The following NBEA variants were observed in gnomAD, a reference collection of about 807,000 sequenced individuals.
The protein encoded by NBEA is lysosomal-trafficking regulator 2.
Under a neutral mutation model 343.4 loss-of-function variants are expected in NBEA, and 44 were observed. The observed-to-expected ratio is 0.13, with a 90% CI of 0.10 to 0.16. NBEA has a LOEUF of 0.16. Among genes scored for constraint, NBEA ranks in the 10% least tolerant of loss-of-function variants. The pLI, the probability that NBEA is intolerant of heterozygous loss-of-function variation, is 1.00. For missense variants in NBEA, 2,555 were observed against 3,631.3 expected (o/e 0.70, Z 7.62); for synonymous variants, 1,175 against 1,238.7 (o/e 0.95, Z 1.08).
At chr13:35,432,217 C>CT (rs943757117) in intron 38 of NBEA, 52 bp from the exon 39 acceptor site, 1 of 1,425,976 alleles carries the variant, frequency 7.0e-7, no homozygotes, top group African/African-American at 1.4e-5. Context: ...AAATGTATTT[C>CT]CAGCTATGCA....
intron 38 of NBEA, among the ~76,000 whole-genome samples, chr13:35,416,179 A>C (rs1363833439): frequency 1.3e-5 from 2 of 152,148 alleles, no homozygotes; most frequent in Non-Finnish European, 2.9e-5. Flanking sequence ...GTCATCTGCA[A>C]ACAGGGACAA....
chr13:35,538,233 T>G (rs1439660490), intron 41 of NBEA, among the ~76,000 whole-genome samples: 1 of 152,196 alleles, frequency 6.6e-6, no homozygotes, highest in Non-Finnish European at 1.5e-5. Flanking sequence ...AAAATGAAAT[T>G]TGTTTATGTT....
chr13:34,979,259 G>T (rs2060277278), intron 1 of NBEA, among the ~76,000 whole-genome samples: 1 of 152,108 alleles, frequency 6.6e-6, no homozygotes, highest in African/African-American at 2.4e-5. Flanking sequence ...GCTGGGCACA[G>T]TGGTTCACAC....
intron 38 of NBEA, among the ~76,000 whole-genome samples, chr13:35,364,221 C>T (rs955314948): frequency 8.6e-5 from 13 of 151,882 alleles, no homozygotes; most frequent in African/African-American, 2.9e-4. Context: ...TTCTTTCCTT[C>T]AGCCCTTTCT....
intron 50 of NBEA, 80 bp downstream of exon 50, chr13:35,646,011 A>G (rs1209254602): frequency 2.2e-6 from 2 of 925,438 alleles, no homozygotes; most frequent in Non-Finnish European, 3.3e-6. Flanking sequence ...GATTTTCCAC[A>G]TTTAACCCCA....
rs1186551019 is a variant in NBEA, at chr13:35,054,643, CTTTTTTTTTT to C, written c.973-1358_973-1349del. 4.3e-5 allele frequency among the ~76,000 whole-genome samples: 5 copies of C among 117,462 alleles called. No homozygotes were observed. In the South Asian group the frequency reaches 1.4e-3, roughly 33 times the overall value. The allele number at this position is 117,462 out of a possible 152,430, so 77.1% of individuals were successfully genotyped here. Reference sequence around the variant, plus strand: ...TTTTTTTCTTTTTCTGTTTTCTTTTCTTTTTTTTTTTTTTTTTTGAGACAAAGTCTTGCCC... The same window carrying C: ...TTTTTTTCTTTTTCTGTTTTCTTTTCTTTTTTTTGAGACAAAGTCTTGCCC... On this transcript the variant is annotated intron_variant, in intron 6 of 58. Coordinates refer to ENST00000379939, the MANE Select transcript of NBEA (RefSeq NM_001385012.1).
At chr13:35,061,783 C>G (rs1246702473) in intron 8 of NBEA, among the ~76,000 whole-genome samples, 1 of 151,664 alleles carries the variant, frequency 6.6e-6, no homozygotes, top group Admixed American at 6.6e-5. Flanking sequence ...CTGATCTTCT[C>G]ACAAATAACC....
chr13:35,361,248 G>A (rs904910425), intron 38 of NBEA, among the ~76,000 whole-genome samples: 12 of 151,862 alleles, frequency 7.9e-5, no homozygotes, highest in Non-Finnish European at 1.5e-4. Context: ...AGAAATGAAG[G>A]CAAAATTAAA....
chr13:35,288,549 A>G (rs1566571032), intron 34 of NBEA, among the ~76,000 whole-genome samples: 1 of 151,944 alleles, frequency 6.6e-6, no homozygotes, highest in Non-Finnish European at 1.5e-5. Flanking sequence ...CAAAGCATTA[A>G]TGAAGCATTT....
At chr13:35,560,893 G>T (rs1178901881) in intron 44 of NBEA, among the ~76,000 whole-genome samples, 1 of 152,108 alleles carries the variant, frequency 6.6e-6, no homozygotes, top group African/African-American at 2.4e-5. Context: ...GCAGTTCTCA[G>T]ACTTCAGTGT....
At chr13:34,979,133 T>G (rs2060272991) in intron 1 of NBEA, among the ~76,000 whole-genome samples, 1 of 152,190 alleles carries the variant, frequency 6.6e-6, no homozygotes. Flanking sequence ...TTTTAGACAT[T>G]CTGATGGCTG....
chr13:35,202,420 C>T (rs182086655), intron 31 of NBEA, among the ~76,000 whole-genome samples: 2 of 152,238 alleles, frequency 1.3e-5, no homozygotes, highest in African/African-American at 2.4e-5. Context: ...ACAGAAAGAA[C>T]GGGATTCTTA....
At chr13:35,156,937 A>G (rs118045268) in intron 20 of NBEA, 141 bp from the exon 21 acceptor site, 9,475 of 514,124 alleles carry the variant, frequency 0.018, 131 homozygotes, top group Non-Finnish European at 0.023. Context: ...AGTATAGAAT[A>G]TATAACGTGC....
chr13:35,234,405 G>C (rs2075126556), intron 34 of NBEA, among the ~76,000 whole-genome samples: 1 of 152,152 alleles, frequency 6.6e-6, no homozygotes, highest in Non-Finnish European at 1.5e-5. Flanking sequence ...TTCTAGATGT[G>C]TATGATTGAC....
intron 58 of NBEA, among the ~76,000 whole-genome samples, chr13:35,670,271 A>G (rs1566488602): frequency 6.6e-6 from 1 of 152,150 alleles, no homozygotes; most frequent in Admixed American, 6.5e-5. Flanking sequence ...CTGATCAGTT[A>G]GGAGGGAGAG....
At chr13:35,568,208 G>A (rs575359322) in intron 45 of NBEA, among the ~76,000 whole-genome samples, 200 of 152,042 alleles carry the variant, frequency 1.3e-3, no homozygotes, top group Non-Finnish European at 2.0e-3. Flanking sequence ...GTTCTTATGC[G>A]TCATTCAGTA....
intron 41 of NBEA, among the ~76,000 whole-genome samples, chr13:35,531,620 T>C (rs1010921129): frequency 1.3e-5 from 2 of 152,218 alleles, no homozygotes; most frequent in Non-Finnish European, 2.9e-5. Flanking sequence ...GACAACTGTT[T>C]AAATTGGGAT....
chr13:35,366,089 GT>G (rs1204736043), intron 38 of NBEA, among the ~76,000 whole-genome samples: 2 of 151,532 alleles, frequency 1.3e-5, no homozygotes, highest in African/African-American at 4.8e-5. Context: ...AAGTAACTGA[GT>G]TAAAAACCCT....
chr13:35,290,487 G>A (rs1419584808), intron 35 of NBEA, 37 bp downstream of exon 35: 28 of 1,486,550 alleles, frequency 1.9e-5, no homozygotes, highest in African/African-American at 2.8e-5. Context: ...ATTAATATAT[G>A]AGGGTTTTTT....
Sources: allele counts gnomAD v4.1 joint callset (sites outside exome capture counted in the v4.1 genomes callset), GRCh38; gene constraint gnomAD v4.1.1; transcripts MANE v1.5; gene names NCBI Gene and HGNC (gene_info 2026-07-23, HGNC 2026-07-21).